PPEF2: variants seen among roughly 807,000 people sequenced by gnomAD.
The protein encoded by PPEF2 is protein phosphatase with EF-hand domain 2.
PPEF2 carries 84 observed loss-of-function variants against 84.7 expected under a neutral mutation model. That is an observed-to-expected ratio of 0.99 (90% CI 0.83 to 1.19). PPEF2 has a LOEUF of 1.19. PPEF2 is among the 50% of genes most tolerant of loss of function. The pLI is 0.00. For missense variants in PPEF2, 924 were observed against 937.5 expected (o/e 0.99, Z 0.19); for synonymous variants, 346 against 345.2 (o/e 1.00, Z -0.03).
At chr4:75,890,997 A>AC (rs1724863621) in intron 4 of PPEF2, among the ~76,000 whole-genome samples, 2 of 152,158 alleles carry the variant, frequency 1.3e-5, no homozygotes, top group Non-Finnish European at 2.9e-5. Context: ...AGCCTGGTTA[A>AC]CATGGTGAAA....
chr4:75,867,286 G>A lies in PPEF2; in HGVS notation c.1756+27C>T, dbSNP rs754564986. ...ATTTTCTGGCTAGCTTCCTTCCTCT[G>A]TGAATCTTTAACTTGATCATTCTTA... On this transcript the variant is annotated intron_variant, in intron 14 of 16. Coordinates refer to ENST00000286719, the MANE Select transcript of PPEF2 (RefSeq NM_006239.3). 38 of 1,561,722 alleles carry A rather than the reference G, an allele frequency of 2.4e-5. 1 individual carries two copies. The highest frequency in any genetic ancestry group is 3.3e-5 in the Non-Finnish European group (38 of 1,134,692).
chr4:75,891,899 C>T lies in PPEF2; in HGVS notation c.135G>A (p.Trp45Ter), dbSNP rs370461494. The T allele has an allele frequency of 1.3e-5, 21 of 1,613,988 alleles. No individual in the cohort carries two copies. In the African/African-American group the frequency reaches 2.3e-4, roughly 17 times the overall value. The change falls in exon 3 of 17, where the codon TGG becomes TGA. Residue 45 changes from tryptophan (W) to a stop codon, truncating the protein, a stop_gained. Coordinates refer to ENST00000286719, the MANE Select transcript of PPEF2 (RefSeq NM_006239.3). LOFTEE classifies it high-confidence loss of function. ...CATATTCTATAGACTGGAAGATGCT[C>T]CAGGTGCAACGCCGCCTCATCTCCA... ...ARLEMRRRCTWSIFQSIEYAG... is the reference protein window; with the variant it reads ...ARLEMRRRCT
rs762948618 is a variant in PPEF2, at chr4:75,876,512, C to T, written c.1095G>A (p.Lys365=). 12 of 1,613,896 alleles carry T rather than the reference C, an allele frequency of 7.4e-6. No homozygotes were observed. In the Admixed American group the frequency reaches 1.2e-4, roughly 16 times the overall value. ...TGGAGGACCTGCTGGTTTTCTGGGC[C>T]TTGTAGGAGCCAAGCCGAAGGGGCG... ...PSSPLRLGSY[K]AQKTSRSSSI... is the part of the protein sequence containing the mutation. Residue 365 remains lysine, a synonymous_variant, in exon 11 of 17, where the codon AAG becomes AAA. Transcript: ENST00000286719.
intron 1 of PPEF2, 134 bp downstream of exon 1, chr4:75,902,096 G>A (rs1356558868): frequency 1.3e-5 from 2 of 152,238 alleles, no homozygotes; most frequent in East Asian, 3.8e-4. Flanking sequence ...ATCTGGATGA[G>A]TTGATAGATA....
At position 75,867,315 on chromosome 4, in the gene PPEF2, A is replaced by C; in HGVS notation, c.1754T>G (p.Val585Gly). ...SEFKKHDADK[V>G]GLITLSDWAA... ...ATCTTTAACTTGATCATTCTTACCG[A>C]CTTTATCTGCATCATGCTTCTTAAA... Residue 585 changes from valine (V) to glycine (G), a missense_variant and splice_region_variant, in exon 14 of 17, where the codon GTC (valine) becomes GGC (glycine). Val to Gly is a moderately radical substitution (Grantham distance 109). Coordinates refer to ENST00000286719, the MANE Select transcript of PPEF2 (RefSeq NM_006239.3). The C allele has an allele frequency of 6.2e-7, 1 of 1,610,726 alleles. No homozygotes were observed. The highest frequency in any genetic ancestry group is 8.5e-7 in the Non-Finnish European group (1 of 1,177,222).
intron 13 of PPEF2, among the ~76,000 whole-genome samples, chr4:75,869,285 A>G (rs1724209018): frequency 6.6e-6 from 1 of 152,208 alleles, no homozygotes; most frequent in Non-Finnish European, 1.5e-5. Context: ...TACGTCAAGT[A>G]ACACTTAGTA....
chr4:75,863,248 T>C (rs1459092567), intron 16 of PPEF2, among the ~76,000 whole-genome samples: 1 of 151,888 alleles, frequency 6.6e-6, no homozygotes, highest in Non-Finnish European at 1.5e-5. Context: ...TCCCAGCACT[T>C]TGGGAGATCT....
At chr4:75,869,598 G>A (rs1228486169) in intron 13 of PPEF2, among the ~76,000 whole-genome samples, 1 of 152,200 alleles carries the variant, frequency 6.6e-6, no homozygotes, top group Non-Finnish European at 1.5e-5. Flanking sequence ...TGTAATCCTA[G>A]CACTTTGGGA....
At chr4:75,898,313 G>A (rs1578018686) in intron 1 of PPEF2, among the ~76,000 whole-genome samples, 1 of 152,182 alleles carries the variant, frequency 6.6e-6, no homozygotes, top group Non-Finnish European at 1.5e-5. Context: ...GCCAGATTTT[G>A]GGGGGCTTGT....
intron 4 of PPEF2, among the ~76,000 whole-genome samples, chr4:75,890,937 C>T (rs900562318): frequency 2.0e-5 from 3 of 152,126 alleles, no homozygotes; most frequent in Non-Finnish European, 4.4e-5. Context: ...AATGCCAGCA[C>T]TTTGGGAGGC....
chr4:75,897,887 G>C (rs534462357), intron 1 of PPEF2, among the ~76,000 whole-genome samples: 74 of 152,306 alleles, frequency 4.9e-4, no homozygotes, highest in African/African-American at 1.6e-3. Flanking sequence ...CACACACACA[G>C]AAATATAGAG....
chr4:75,860,495 C>A lies in PPEF2; in HGVS notation c.*172G>T. Reference sequence around the variant, plus strand: ...GGCACTCATATACTTAAAACACATACATACACAACACCCCAACCCACCCCT... The same window carrying A: ...GGCACTCATATACTTAAAACACATAAATACACAACACCCCAACCCACCCCT... On this transcript the variant is annotated 3_prime_UTR_variant, in exon 17 of 17. Coordinates refer to ENST00000286719, the MANE Select transcript of PPEF2 (RefSeq NM_006239.3). The A allele has an allele frequency of 2.5e-6, 2 of 801,228 alleles. No individual in the cohort carries two copies. The highest frequency in any genetic ancestry group is 5.7e-5 in the Admixed American group (2 of 34,992). The allele number at this position is 801,228 out of a possible 1,614,324, so 49.6% of individuals were successfully genotyped here.
Position 75,888,430 on chromosome 4 carries a change from C to A in PPEF2, c.418-102G>T, listed in dbSNP as rs572967184. On this transcript the variant is annotated intron_variant, in intron 5 of 16. Coordinates refer to ENST00000286719, the MANE Select transcript of PPEF2 (RefSeq NM_006239.3). ...TTAACAACCCCCATCACCTAAGACC[C>A]CAAAAGTAACCCCAGTAAACTGCTC... 3 of 760,092 alleles carry A rather than the reference C, an allele frequency of 3.9e-6. No individual in the cohort carries two copies. The South Asian group carries it at 4.7e-5, about 12-fold the overall frequency. The allele number at this position is 760,092 out of a possible 1,614,324, so 47.1% of individuals were successfully genotyped here.
chr4:75,869,737 G>A (rs192557733), intron 13 of PPEF2, among the ~76,000 whole-genome samples: 10 of 152,258 alleles, frequency 6.6e-5, no homozygotes, highest in African/African-American at 2.2e-4. Context: ...AGTACCAGGT[G>A]TGAGGTAGCT....
Position 75,888,420 on chromosome 4 carries a change from A to G in PPEF2, c.418-92T>C, listed in dbSNP as rs1724789803. On this transcript the variant is annotated intron_variant, in intron 5 of 16. Coordinates refer to ENST00000286719, the MANE Select transcript of PPEF2 (RefSeq NM_006239.3). ...CCTTTACTGCTTAACAACCCCCATCACCTAAGACCCCAAAAGTAACCCCAG... is the reference window on the plus strand; with the variant it reads ...CCTTTACTGCTTAACAACCCCCATCGCCTAAGACCCCAAAAGTAACCCCAG... 4 of 874,490 alleles carry G rather than the reference A, an allele frequency of 4.6e-6. No homozygotes were observed. The East Asian group carries it at 1.0e-4, about 23-fold the overall frequency. 54.2% of individuals were successfully genotyped at this position (874,490 alleles called of 1,614,324 possible).
At chr4:75,874,488 G>A (rs1724361508) in intron 11 of PPEF2, among the ~76,000 whole-genome samples, 1 of 151,840 alleles carries the variant, frequency 6.6e-6, no homozygotes, top group Non-Finnish European at 1.5e-5. Flanking sequence ...GTAGAGACAG[G>A]ATTTCACCAT....
intron 11 of PPEF2, 141 bp from the exon 12 acceptor site, chr4:75,873,453 A>G: frequency 1.1e-5 from 9 of 834,602 alleles, no homozygotes; most frequent in Non-Finnish European, 1.6e-5. Context: ...TATTTGACAT[A>G]CATTTATATT....
chr4:75,896,267 G>T lies in PPEF2; in HGVS notation c.55+4C>A. ...AGCTGGTTTGGAAAGTGGGAAACAC[G>T]TACCTCTCTCTGCATTCTGGAAAGC... is the stretch of plus-strand genomic sequence containing the variant. On this transcript the variant is annotated splice_donor_region_variant and intron_variant, in intron 2 of 16. Transcript: ENST00000286719. 1 of 1,613,836 alleles carries T rather than the reference G, an allele frequency of 6.2e-7. No individual in the cohort carries two copies. The highest frequency in any genetic ancestry group is 8.5e-7 in the Non-Finnish European group (1 of 1,179,750).
In PPEF2 at chr4:75,873,178, G is replaced by A. The variant is rs1224408281; in HGVS notation, c.1455C>T (p.Ile485=). Reference sequence around the variant, plus strand: ...CTTCAGGTTTGCATTCATGTGAACGGATCAGGAATTGCATGTTGTATTTTT... The same window carrying A: ...CTTCAGGTTTGCATTCATGTGAACGAATCAGGAATTGCATGTTGTATTTTT... ...LLQKYNMQFL[I]RSHECKPEGY... is the part of the protein sequence containing the mutation. Residue 485 remains isoleucine, a synonymous_variant, in exon 12 of 17, where the codon ATC becomes ATT. Coordinates refer to ENST00000286719, the MANE Select transcript of PPEF2 (RefSeq NM_006239.3). The A allele has an allele frequency of 1.2e-6, 2 of 1,614,144 alleles. No homozygotes were observed. Among genetic ancestry groups the A allele is most frequent in the East Asian group, 4.5e-5 (2 of 44,884 alleles).
Sources: allele counts gnomAD v4.1 joint callset (sites outside exome capture counted in the v4.1 genomes callset), GRCh38; gene constraint gnomAD v4.1.1; transcripts MANE v1.5; gene names NCBI Gene and HGNC (gene_info 2026-07-23, HGNC 2026-07-21).